The following CNTN5 variants were observed in gnomAD, a reference collection of about 807,000 sequenced individuals.
CNTN5 encodes contactin 5.
Under a neutral mutation model 129.1 loss-of-function variants are expected in CNTN5, and 77 were observed. The ratio of observed to expected loss-of-function variants is 0.60; its 90% CI spans 0.50 to 0.72. CNTN5 has a LOEUF of 0.72. CNTN5 is among the 30% of genes least tolerant of loss of function. CNTN5 has a pLI of 0.00. For missense variants in CNTN5, 1,478 were observed against 1,328.8 expected (o/e 1.11, Z -1.75); for synonymous variants, 509 against 465.6 (o/e 1.09, Z -1.20).
chr11:99,024,316 G>A (rs1195504456), intron 1 of CNTN5, among the ~76,000 whole-genome samples: 2 of 151,982 alleles, frequency 1.3e-5, no homozygotes, highest in South Asian at 4.1e-4. Context: ...CTTAAACAGT[G>A]TTTTAGTTAA....
intron 1 of CNTN5, among the ~76,000 whole-genome samples, chr11:99,085,568 G>T (rs886271059): frequency 3.2e-4 from 49 of 151,686 alleles, no homozygotes; most frequent in Non-Finnish European, 4.0e-4. Context: ...TTGGTGCCTT[G>T]TAAGAGTTTT....
intron 9 of CNTN5, among the ~76,000 whole-genome samples, chr11:100,053,637 A>G (rs1382691738): frequency 2.0e-5 from 3 of 151,776 alleles, no homozygotes; most frequent in Admixed American, 1.3e-4. Flanking sequence ...GTTAAATTAT[A>G]CAGGTACAAT....
chr11:99,767,111 A>ATC (rs774940204), intron 3 of CNTN5, among the ~76,000 whole-genome samples: 3 of 151,932 alleles, frequency 2.0e-5, no homozygotes, highest in Admixed American at 1.3e-4. Flanking sequence ...ATATGTCTGC[A>ATC]TCTCTCTCTC....
intron 2 of CNTN5, among the ~76,000 whole-genome samples, chr11:99,451,824 C>T (rs778034065): frequency 2.0e-5 from 3 of 151,842 alleles, no homozygotes; most frequent in South Asian, 2.1e-4. Context: ...TTAATCAGTC[C>T]GTGGAATGAA....
intron 1 of CNTN5, among the ~76,000 whole-genome samples, chr11:99,029,475 C>T (rs980393851): frequency 3.3e-5 from 5 of 151,812 alleles, no homozygotes; most frequent in African/African-American, 1.2e-4. Flanking sequence ...TAATAAGAAA[C>T]TTAAGGAAAA....
At chr11:99,383,538 C>T (rs946438217) in intron 2 of CNTN5, among the ~76,000 whole-genome samples, 4 of 150,900 alleles carry the variant, frequency 2.7e-5, no homozygotes, top group Non-Finnish European at 4.4e-5. Context: ...TAAAGGGACT[C>T]GATACCTGCT....
chr11:99,129,398 T>C (rs1317603736), intron 1 of CNTN5, among the ~76,000 whole-genome samples: 1 of 151,300 alleles, frequency 6.6e-6, no homozygotes, highest in African/African-American at 2.4e-5. Context: ...GAAGAAAAGA[T>C]TATAGAAAAA....
At chr11:100,070,165 C>CAAAAAAAAAAA (rs3061793) in intron 10 of CNTN5, among the ~76,000 whole-genome samples, 1 of 109,258 alleles carries the variant, frequency 9.2e-6, no homozygotes, top group East Asian at 2.5e-4. Context: ...ACTTAAAGTC[C>CAAAAAAAAAAA]AAAAAAAAAA....
chr11:100,091,716 C>A (rs1038764876), intron 13 of CNTN5, among the ~76,000 whole-genome samples: 24 of 152,094 alleles, frequency 1.6e-4, no homozygotes, highest in Admixed American at 3.9e-4. Flanking sequence ...TGTAAGCCAC[C>A]GCGCCCAGCC....
chr11:99,063,038 G>A (rs1864951675), intron 1 of CNTN5, among the ~76,000 whole-genome samples: 2 of 152,134 alleles, frequency 1.3e-5, no homozygotes, highest in Non-Finnish European at 2.9e-5. Context: ...AAGGGAAGTA[G>A]AAGCTAATAG....
intron 3 of CNTN5, among the ~76,000 whole-genome samples, chr11:99,783,843 A>G (rs949843397): frequency 6.6e-6 from 1 of 151,694 alleles, no homozygotes; most frequent in African/African-American, 2.4e-5. Flanking sequence ...GTGGGGAGGG[A>G]TTGCATTGGG....
intron 21 of CNTN5, among the ~76,000 whole-genome samples, chr11:100,318,023 T>C (rs781553469): frequency 3.9e-5 from 6 of 152,050 alleles, no homozygotes; most frequent in Non-Finnish European, 7.4e-5. Context: ...GGGCGGATCA[T>C]GAGGTCAGGA....
At chr11:99,990,983 AC>A (rs1248207798) in intron 8 of CNTN5, among the ~76,000 whole-genome samples, 1 of 152,196 alleles carries the variant, frequency 6.6e-6, no homozygotes. Context: ...GTGTCACTTA[AC>A]TATGCATCAC....
At chr11:99,081,310 C>T (rs1865787846) in intron 1 of CNTN5, among the ~76,000 whole-genome samples, 1 of 152,074 alleles carries the variant, frequency 6.6e-6, no homozygotes, top group Admixed American at 6.6e-5. Flanking sequence ...GGAGCTGCAA[C>T]CTCATTAATT....
intron 3 of CNTN5, among the ~76,000 whole-genome samples, chr11:99,635,793 A>G (rs114018440): frequency 0.02 from 3,082 of 152,074 alleles, 89 homozygotes; most frequent in Admixed American, 0.051. Context: ...TTTTGTTACT[A>G]TTTTCAAGCT....
rs531162788 is a variant in CNTN5, at chr11:100,083,638, G to C, written c.1580+9344G>C. On this transcript the variant is annotated intron_variant, in intron 13 of 24. Coordinates refer to ENST00000524871, the MANE Select transcript of CNTN5 (RefSeq NM_014361.4). The stretch of plus-strand genomic sequence containing the variant: ...TGTACTCACACTCTGCCAAATAGTT[G>C]AATGAGAATGGGAAAAAAATTCTCA... Among the ~76,000 whole-genome samples, 12 of 152,160 alleles carry C rather than the reference G, an allele frequency of 7.9e-5. No homozygotes were observed. In the East Asian group the frequency reaches 2.1e-3, roughly 27 times the overall value.
At chr11:99,166,112 G>T (rs1860852941) in intron 1 of CNTN5, among the ~76,000 whole-genome samples, 1 of 152,100 alleles carries the variant, frequency 6.6e-6, no homozygotes, top group Admixed American at 6.5e-5. Context: ...GTGTAAAAAT[G>T]AGTAATTATG....
intron 2 of CNTN5, among the ~76,000 whole-genome samples, chr11:99,523,873 G>T (rs1435485817): frequency 6.6e-6 from 1 of 152,126 alleles, no homozygotes; most frequent in Admixed American, 6.5e-5. Flanking sequence ...GCTGATGTTT[G>T]CCAGAGTTTA....
At chr11:100,190,698 C>T (rs980032402) in intron 13 of CNTN5, among the ~76,000 whole-genome samples, 3 of 149,572 alleles carry the variant, frequency 2.0e-5, no homozygotes, top group Non-Finnish European at 4.4e-5. Flanking sequence ...ATTTTGTGTT[C>T]TGTACTTATA....
Sources: gnomAD v4.1 joint callset for allele counts (sites outside exome capture counted in the v4.1 genomes callset) on GRCh38, gnomAD v4.1.1 for gene constraint, MANE v1.5 for transcripts, NCBI Gene and HGNC (gene_info 2026-07-23, HGNC 2026-07-21) for gene names.